Variants in ZNF787 observed in about 807,000 individuals in gnomAD.
ZNF787 encodes zinc finger protein 787.
A neutral mutation model predicts 16.9 loss-of-function variants in ZNF787; 7 were observed. The ratio of observed to expected loss-of-function variants is 0.42; its 90% CI spans 0.24 to 0.78. ZNF787 has a LOEUF of 0.78. ZNF787 is among the 30% of genes least tolerant of loss of function. ZNF787 has a pLI of 0.30. For missense variants in ZNF787, 551 were observed against 589.3 expected, an observed-to-expected ratio of 0.94 and a Z score of 0.67; for synonymous variants, 345 against 270.9, an observed-to-expected ratio of 1.27 and a Z score of -2.69.
chr19:56,107,915 G>A (rs1001760209), intron 1 of ZNF787, among the ~76,000 whole-genome samples: 1 of 149,464 alleles, frequency 6.7e-6, no homozygotes, highest in African/African-American at 2.6e-5. Flanking sequence ...GGGGCTGCGG[G>A]AGGGGCTGCA....
intron 2 of ZNF787, among the ~76,000 whole-genome samples, chr19:56,095,204 T>C (rs1004853078): frequency 1.3e-5 from 2 of 152,172 alleles, no homozygotes; most frequent in African/African-American, 4.8e-5. Flanking sequence ...GCCGCTGACC[T>C]GGCAGAAGGC....
intron 2 of ZNF787, chr19:56,102,683 T>C: frequency 7.3e-6 from 4 of 548,298 alleles, no homozygotes; most frequent in Non-Finnish European, 1.3e-5. Context: ...GAGCTTTCCC[T>C]GAAAAGTCGG....
chr19:56,108,800 G>C lies in ZNF787; in HGVS notation c.-10-5573C>G, dbSNP rs184909407. 4.3e-4 allele frequency among the ~76,000 whole-genome samples: 66 copies of C among 152,186 alleles called. No homozygotes were observed. In the East Asian group the frequency reaches 0.012, roughly 28 times the overall value. On this transcript the variant is annotated intron_variant, in intron 1 of 2. Coordinates refer to ENST00000610935, the MANE Select transcript of ZNF787 (RefSeq NM_001002836.4). Reference sequence around the variant, plus strand: ...CGGAAGGACAGGCAGACCTCCCCTCGGACAGACCCCCGTGGGCTCTGGGTG... The same window carrying C: ...CGGAAGGACAGGCAGACCTCCCCTCCGACAGACCCCCGTGGGCTCTGGGTG...
intron 1 of ZNF787, among the ~76,000 whole-genome samples, chr19:56,107,942 C>A (rs960359954): frequency 1.3e-5 from 2 of 151,366 alleles, no homozygotes; most frequent in African/African-American, 4.9e-5. Flanking sequence ...TGGGGCAGTA[C>A]CTGCCGGGAG....
At chr19:56,104,945 A>G (rs1004594799) in intron 1 of ZNF787, among the ~76,000 whole-genome samples, 4 of 152,190 alleles carry the variant, frequency 2.6e-5, no homozygotes, top group Non-Finnish European at 5.9e-5. Context: ...CCTGGCCAGC[A>G]TGGCGAAACC....
chr19:56,095,570 C>T (rs1417492168), intron 2 of ZNF787, among the ~76,000 whole-genome samples: 1 of 152,204 alleles, frequency 6.6e-6, no homozygotes, highest in African/African-American at 2.4e-5. Flanking sequence ...CACAGATGCA[C>T]ACACTCCAGC....
chr19:56,091,907 CAGCCGCAGCCGCAGCCGA>C (rs747509697), intron 2 of ZNF787, among the ~76,000 whole-genome samples: 11 of 41,932 alleles, frequency 2.6e-4, no homozygotes, highest in South Asian at 1.1e-3. Context: ...GCCGCAGCCG[CAGCCGCAGCCGCAGCCGA>C]AGCCGAAGCC....
At chr19:56,104,799 G>A (rs1485831183) in intron 1 of ZNF787, among the ~76,000 whole-genome samples, 3 of 152,262 alleles carry the variant, frequency 2.0e-5, no homozygotes, top group African/African-American at 7.2e-5. Flanking sequence ...ACGCGCCCGA[G>A]TTGTTGAAGG....
intron 2 of ZNF787, among the ~76,000 whole-genome samples, chr19:56,092,412 C>G (rs1330092821): frequency 6.6e-6 from 1 of 152,188 alleles, no homozygotes; most frequent in South Asian, 2.1e-4. Flanking sequence ...AGATCCCCTA[C>G]GCCCCAGGCT....
Position 56,089,454 on chromosome 19 carries a change from G to A in ZNF787, c.80-362C>T, listed in dbSNP as rs530309835. Among the ~76,000 whole-genome samples the A allele has an allele frequency of 6.6e-4, 100 of 152,268 alleles. 1 individual carries two copies. The South Asian group carries it at 0.019, about 30-fold the overall frequency. On this transcript the variant is annotated intron_variant, in intron 2 of 2. Coordinates refer to ENST00000610935, the MANE Select transcript of ZNF787 (RefSeq NM_001002836.4). ...AACCCAAAACACCAGCCTGGACGCC[G>A]GGGGCAGAGGATGAGGAAGGCTCAC...
rs33942141 is a variant in ZNF787 at position 56,110,519 on chromosome 19, TAA to T, written c.-10-7294_-10-7293del. On this transcript the variant is annotated intron_variant, in intron 1 of 2. Transcript: ENST00000610935. Reference sequence around the variant, plus strand: ...TAAGACTCAGCACTGTAGGAAAGGTTAAAAAAAAAAAAAGCACAGGAAAAAAA... The same window carrying T: ...TAAGACTCAGCACTGTAGGAAAGGTTAAAAAAAAAAAGCACAGGAAAAAAA... Among the ~76,000 whole-genome samples, 506 of 147,364 alleles carry T rather than the reference TAA, an allele frequency of 3.4e-3. 1 individual carries two copies. Among genetic ancestry groups the T allele is most frequent in the African/African-American group, 6.3e-3 (253 of 40,328 alleles).
chr19:56,091,599 A>C (rs772293395), intron 2 of ZNF787, among the ~76,000 whole-genome samples: 3 of 152,178 alleles, frequency 2.0e-5, no homozygotes, highest in Non-Finnish European at 4.4e-5. Context: ...GCAAACTGGG[A>C]GTGGGGAAGG....
intron 1 of ZNF787, among the ~76,000 whole-genome samples, chr19:56,104,995 G>A (rs1028847079): frequency 3.9e-5 from 6 of 152,174 alleles, no homozygotes; most frequent in Admixed American, 3.9e-4. Flanking sequence ...AGGCCTGGTG[G>A]CAGGGGCCTG....
In ZNF787 at chr19:56,100,103, C is replaced by G. The variant is rs1175701227; in HGVS notation, c.79+3036G>C. ...TTCCCAGAGCAGGTGCCGGGACACA[C>G]GGAAGTCAGGAGCTGAGGAAGGGTC... On this transcript the variant is annotated intron_variant, in intron 2 of 2. Coordinates refer to ENST00000610935, the MANE Select transcript of ZNF787 (RefSeq NM_001002836.4). Among the ~76,000 whole-genome samples the G allele has an allele frequency of 2.0e-5, 3 of 152,142 alleles. No homozygotes were observed. The South Asian group carries it at 6.2e-4, about 32-fold the overall frequency.
At chr19:56,120,211 GAA>G (rs1394356685) in intron 1 of ZNF787, among the ~76,000 whole-genome samples, 1 of 152,186 alleles carries the variant, frequency 6.6e-6, no homozygotes, top group African/African-American at 2.4e-5. Flanking sequence ...CCTGGCACTG[GAA>G]AAACTTCTGC....
At chr19:56,117,518 G>A (rs770248156) in intron 1 of ZNF787, among the ~76,000 whole-genome samples, 13 of 152,160 alleles carry the variant, frequency 8.5e-5, no homozygotes, top group African/African-American at 2.4e-4. Context: ...TTCCACTAGC[G>A]GAGTGGCTGG....
At chr19:56,106,052 C>A (rs1163078356) in intron 1 of ZNF787, among the ~76,000 whole-genome samples, 4 of 148,574 alleles carry the variant, frequency 2.7e-5, no homozygotes, top group Admixed American at 2.7e-4. Context: ...GCAGTCACCG[C>A]GCATTCCGCC....
chr19:56,106,094 C>G (rs1457883725), intron 1 of ZNF787, among the ~76,000 whole-genome samples: 20 of 142,100 alleles, frequency 1.4e-4, no homozygotes, highest in African/African-American at 2.3e-4. Context: ...CGCGCATTCC[C>G]CCTTCCGCGC....
intron 1 of ZNF787, among the ~76,000 whole-genome samples, chr19:56,109,965 G>A (rs1164083647): frequency 6.6e-6 from 1 of 152,218 alleles, no homozygotes; most frequent in East Asian, 1.9e-4. Context: ...GAGACCCAAG[G>A]AGGGAAGCCA....
Sources: gnomAD v4.1 joint callset for allele counts (sites outside exome capture counted in the v4.1 genomes callset) on GRCh38, gnomAD v4.1.1 for gene constraint, MANE v1.5 for transcripts, NCBI Gene and HGNC (gene_info 2026-07-23, HGNC 2026-07-21) for gene names.